The following PCDHGA12 variants were observed in gnomAD, a reference collection of about 807,000 sequenced individuals.
The protein encoded by PCDHGA12 is protocadherin gamma-A12.
A neutral mutation model predicts 61.1 loss-of-function variants in PCDHGA12; 43 were observed. The ratio of observed to expected loss-of-function variants is 0.70; its 90% CI spans 0.55 to 0.91. PCDHGA12 has a LOEUF of 0.91. Among genes scored for constraint, PCDHGA12 ranks in the 40% least tolerant of loss-of-function variants. The pLI, the probability that PCDHGA12 is intolerant of heterozygous loss-of-function variation, is 0.00. For missense variants in PCDHGA12, 1,236 were observed against 1,227.7 expected (o/e 1.01, Z -0.10); for synonymous variants, 520 against 542.9 (o/e 0.96, Z 0.59).
At chr5:141,446,766 C>T (rs1335326278) in intron 1 of PCDHGA12, among the ~76,000 whole-genome samples, 7 of 152,208 alleles carry the variant, frequency 4.6e-5, no homozygotes, top group East Asian at 3.9e-4. Context: ...CGCGCCCAGC[C>T]GGTTACCATT....
intron 3 of PCDHGA12, among the ~76,000 whole-genome samples, chr5:141,510,378 C>A (rs919650449): frequency 6.6e-6 from 1 of 151,786 alleles, no homozygotes; most frequent in East Asian, 2.0e-4. Flanking sequence ...TCTACTCGTG[C>A]CAGGCCTTGC....
At position 141,432,247 on chromosome 5, in the gene PCDHGA12, C is replaced by G. The variant is rs139910620; in HGVS notation, c.1488C>G (p.Ile496Met). 61 of 1,614,264 alleles carry G rather than the reference C, an allele frequency of 3.8e-5. No homozygotes were observed. The African/African-American group carries it at 6.3e-4, about 17-fold the overall frequency. Residue 496 changes from isoleucine to methionine, a missense_variant, in exon 1 of 4, where the codon ATC becomes ATG. Ile to Met is a conservative substitution (Grantham distance 10). Transcript: ENST00000252085. The surrounding 1 kb of genome is among the most constrained non-coding windows in gnomAD (Gnocchi z 6.0). ...QITYSLAENT[I>M]QGASLSSYVS... ...CTTATTCCCTGGCTGAGAACACCAT[C>G]CAAGGGGCAAGCCTATCGTCCTACG...
rs1323295073 is a variant in PCDHGA12 at position 141,430,546 on chromosome 5, G to A, written c.-214G>A. 2.5e-6 allele frequency: 1 copy of A among 402,156 alleles called. No homozygotes were observed. Among genetic ancestry groups the A allele is most frequent in the Non-Finnish European group, 4.4e-6 (1 of 229,782 alleles). The allele number at this position is 402,156 out of a possible 1,614,324, so 24.9% of individuals were successfully genotyped here. ...ATTGGTTAGGACTCTGAGCGCCGCT[G>A]TTCACCAATCGGGGAGAGAAAAGCG... On this transcript the variant is annotated 5_prime_UTR_variant, in exon 1 of 4. Transcript: ENST00000252085.
intron 1 of PCDHGA12, among the ~76,000 whole-genome samples, chr5:141,494,113 C>G (rs2099751999): frequency 6.6e-6 from 1 of 152,214 alleles, no homozygotes; most frequent in Non-Finnish European, 1.5e-5. Flanking sequence ...TCAGACAGAG[C>G]AGCCTTGTTC....
In PCDHGA12 at chr5:141,476,978, C is replaced by G; in HGVS notation, c.2425-17829C>G. 1.2e-6 allele frequency: 2 copies of G among 1,614,256 alleles called. No individual in the cohort carries two copies. Among genetic ancestry groups the G allele is most frequent in the Non-Finnish European group, 1.7e-6 (2 of 1,180,058 alleles). Reference sequence around the variant, plus strand: ...TATTTACTCCTTCGGCAGCCACAACCGCGCCGGCGTGCGGCAACTATTCGC... The same window carrying G: ...TATTTACTCCTTCGGCAGCCACAACGGCGCCGGCGTGCGGCAACTATTCGC... On this transcript the variant is annotated intron_variant, in intron 1 of 3. Transcript: ENST00000252085. This position sits in a 1 kb window ranked among gnomAD's most constrained non-coding sequence, Gnocchi z 7.6.
chr5:141,452,701 G>A (rs2098747163), intron 1 of PCDHGA12, among the ~76,000 whole-genome samples: 1 of 151,838 alleles, frequency 6.6e-6, no homozygotes, highest in Non-Finnish European at 1.5e-5. Context: ...TGTCAAGAAA[G>A]AAAGGAAGGA....
At chr5:141,441,886 A>C (rs2098281968) in intron 1 of PCDHGA12, 1 of 345,040 alleles carries the variant, frequency 2.9e-6, no homozygotes, top group Non-Finnish European at 5.6e-6. Flanking sequence ...CCTGGTCACC[A>C]AGGTGGTGGC....
intron 1 of PCDHGA12, among the ~76,000 whole-genome samples, chr5:141,473,017 AGAAG>A (rs1484773075): frequency 7.0e-4 from 107 of 151,874 alleles, no homozygotes; most frequent in Middle Eastern, 3.4e-3. Flanking sequence ...AGAAAAAGAA[AGAAG>A]GAAGGAAGGA....
At position 141,477,131 on chromosome 5, in the gene PCDHGA12, TTGG is replaced by T; in HGVS notation, c.2425-17672_2425-17670del. 1 of 1,614,130 alleles carries T rather than the reference TTGG, an allele frequency of 6.2e-7. No individual in the cohort carries two copies. The highest frequency in any genetic ancestry group is 8.5e-7 in the Non-Finnish European group (1 of 1,180,014). On this transcript the variant is annotated intron_variant, in intron 1 of 3. Transcript: ENST00000252085. The surrounding 1 kb of genome is among the most constrained non-coding windows in gnomAD (Gnocchi z 4.9). The stretch of plus-strand genomic sequence containing the variant: ...TCCCGAAGGAGCACATTGCAAAGTG[TTGG>T]TGGAGGTTGTGGATGTGAATGACAA...
chr5:141,433,837 C>CAAAAAAAAA (rs56191208), intron 1 of PCDHGA12, among the ~76,000 whole-genome samples: 1 of 111,704 alleles, frequency 9.0e-6, no homozygotes, highest in Non-Finnish European at 1.9e-5. Flanking sequence ...AACTCTATCT[C>CAAAAAAAAA]AAAAAAAAAA....
chr5:141,498,042 A>G (rs1189035278), intron 2 of PCDHGA12, among the ~76,000 whole-genome samples: 2 of 152,238 alleles, frequency 1.3e-5, no homozygotes, highest in Non-Finnish European at 2.9e-5. Flanking sequence ...AATAATTACA[A>G]AAATAAATGT....
intron 1 of PCDHGA12, among the ~76,000 whole-genome samples, chr5:141,453,393 A>G (rs2098764590): frequency 6.6e-6 from 1 of 152,018 alleles, no homozygotes; most frequent in Non-Finnish European, 1.5e-5. Flanking sequence ...CTTAGCCTCC[A>G]AGTGCTGGTA....
At chr5:141,438,136 A>C (rs2097931548) in intron 1 of PCDHGA12, among the ~76,000 whole-genome samples, 1 of 152,186 alleles carries the variant, frequency 6.6e-6, no homozygotes, top group Non-Finnish European at 1.5e-5. Flanking sequence ...TAATGGCAAA[A>C]GATAGCCAGC....
chr5:141,484,763 T>C (rs2099600495), intron 1 of PCDHGA12, among the ~76,000 whole-genome samples: 1 of 151,872 alleles, frequency 6.6e-6, no homozygotes, highest in East Asian at 1.9e-4. Flanking sequence ...TATATATATA[T>C]ATGTTGTCTG....
intron 1 of PCDHGA12, among the ~76,000 whole-genome samples, chr5:141,488,655 G>C (rs1438020338): frequency 6.6e-6 from 1 of 152,164 alleles, no homozygotes. Flanking sequence ...GATGGGGGAG[G>C]GTGGGGGAAT....
intron 2 of PCDHGA12, among the ~76,000 whole-genome samples, chr5:141,498,949 AAGAG>A (rs1417276243): frequency 1.3e-4 from 18 of 133,552 alleles, no homozygotes; most frequent in African/African-American, 1.9e-4. Context: ...AAGAAAGAAA[AAGAG>A]AGAGAGGGAG....
rs1430647254 is a variant in PCDHGA12 at position 141,477,750 on chromosome 5, C to T, written c.2425-17057C>T. On this transcript the variant is annotated intron_variant, in intron 1 of 3. Coordinates refer to ENST00000252085, the MANE Select transcript of PCDHGA12 (RefSeq NM_003735.3). This position sits in a 1 kb window ranked among gnomAD's most constrained non-coding sequence, Gnocchi z 4.9. ...GCTCATATCAGCGATGGGGGCACCC[C>T]GGTCCTAGCCACCAACATCAGCGTG... 8 of 1,613,772 alleles carry T rather than the reference C, an allele frequency of 5.0e-6. No individual in the cohort carries two copies. Among genetic ancestry groups the T allele is most frequent in the East Asian group, 2.2e-5 (1 of 44,890 alleles).
In PCDHGA12 at chr5:141,448,944, C is replaced by CAAAA. The variant is rs560691811; in HGVS notation, c.2424+15765_2424+15768dup. Among the ~76,000 whole-genome samples, 218 of 152,004 alleles carry CAAAA rather than the reference C, an allele frequency of 1.4e-3. 1 individual carries two copies. The highest frequency in any genetic ancestry group is 5.1e-3 in the African/African-American group (213 of 41,464). On this transcript the variant is annotated intron_variant, in intron 1 of 3. Coordinates refer to ENST00000252085, the MANE Select transcript of PCDHGA12 (RefSeq NM_003735.3). ...TGGGCGACAGAGCAAGACTGCAACTCAAAAAAACAAACAAACAAACAAAAA... is the reference window on the plus strand; with the variant it reads ...TGGGCGACAGAGCAAGACTGCAACTCAAAAAAAAAAACAAACAAACAAACAAAAA...
intron 1 of PCDHGA12, among the ~76,000 whole-genome samples, chr5:141,442,810 T>C (rs2098345227): frequency 6.6e-6 from 1 of 152,222 alleles, no homozygotes; most frequent in Non-Finnish European, 1.5e-5. Context: ...ATTCAAATTG[T>C]ACTGATCCAA....
Sources: allele counts gnomAD v4.1 joint callset (sites outside exome capture counted in the v4.1 genomes callset), GRCh38; gene constraint gnomAD v4.1.1; non-coding constraint Gnocchi (gnomAD v3.1); transcripts MANE v1.5; gene names NCBI Gene and HGNC (gene_info 2026-07-23, HGNC 2026-07-21).